The following IFNGR2 variants were observed in gnomAD, a reference collection of about 807,000 sequenced individuals.
IFNGR2 encodes IFN-gamma receptor 2.
A neutral mutation model predicts 41.1 loss-of-function variants in IFNGR2; 15 were observed. The ratio of observed to expected loss-of-function variants is 0.37; its 90% CI spans 0.24 to 0.56. IFNGR2 has a LOEUF of 0.56. IFNGR2 is among the 20% of genes least tolerant of loss of function. IFNGR2 has a pLI of 0.81. For missense variants in IFNGR2, 362 were observed against 415.7 expected (o/e 0.87, Z 1.12); for synonymous variants, 161 against 171.6 (o/e 0.94, Z 0.48).
chr21:33,432,619 A>G, intron 5 of IFNGR2, 95 bp from the exon 6 acceptor site: 1 of 1,380,072 alleles, frequency 7.2e-7, no homozygotes, highest in Non-Finnish European at 1.0e-6. Context: ...TTACTAGGAC[A>G]GGAATGCTCT....
At chr21:33,432,585 G>C (rs933681029) in intron 5 of IFNGR2, 129 bp from the exon 6 acceptor site, 25 of 1,024,016 alleles carry the variant, frequency 2.4e-5, no homozygotes, top group Admixed American at 1.9e-4. Flanking sequence ...AGGTGAGGGT[G>C]GGGGGTAGAG....
At chr21:33,414,211 G>A (rs1221499739) in intron 1 of IFNGR2, among the ~76,000 whole-genome samples, 1 of 152,150 alleles carries the variant, frequency 6.6e-6, no homozygotes, top group African/African-American at 2.4e-5. Context: ...GGGGGCCTCA[G>A]GACCTGCACT....
chr21:33,416,813 C>A, intron 2 of IFNGR2, among the ~76,000 whole-genome samples: 1 of 107,238 alleles, frequency 9.3e-6, no homozygotes. Context: ...CAGAGCGAGA[C>A]TCCATCTCAA....
intron 4 of IFNGR2, among the ~76,000 whole-genome samples, chr21:33,429,354 T>A (rs2083866310): frequency 6.6e-6 from 1 of 152,140 alleles, no homozygotes; most frequent in Non-Finnish European, 1.5e-5. Context: ...CTGATTTCGT[T>A]TTGAGACAGA....
intron 6 of IFNGR2, 92 bp from the exon 7 acceptor site, chr21:33,436,736 T>A (rs1250514923): frequency 2.2e-5 from 23 of 1,022,550 alleles, no homozygotes; most frequent in East Asian, 2.0e-4. Flanking sequence ...AAAATAAAAA[T>A]AAAAATAAAA....
At chr21:33,407,233 CATT>C (rs1465347526) in intron 1 of IFNGR2, among the ~76,000 whole-genome samples, 3 of 151,806 alleles carry the variant, frequency 2.0e-5, no homozygotes, top group Non-Finnish European at 2.9e-5. Context: ...AATTTTTTAT[CATT>C]ATTTGCTGAC....
chr21:33,435,882 CAAAAAA>C lies in IFNGR2; in HGVS notation c.880-926_880-921del, dbSNP rs35251279. Among the ~76,000 whole-genome samples, 428 of 48,256 alleles carry C rather than the reference CAAAAAA, an allele frequency of 8.9e-3. 3 individuals carry two copies. Among genetic ancestry groups the C allele is most frequent in the African/African-American group, 0.036 (373 of 10,242 alleles). 31.7% of individuals were successfully genotyped at this position (48,256 alleles called of 152,430 possible). On this transcript the variant is annotated intron_variant, in intron 6 of 6. Coordinates refer to ENST00000290219, the MANE Select transcript of IFNGR2 (RefSeq NM_005534.4). Reference sequence around the variant, plus strand: ...CTGGCAACAGAGCAAGACTCCGTCTCAAAAAAAAAAAAAAAAAAAAAAAAATTAGCC... The same window carrying C: ...CTGGCAACAGAGCAAGACTCCGTCTCAAAAAAAAAAAAAAAAAAATTAGCC...
intron 4 of IFNGR2, among the ~76,000 whole-genome samples, chr21:33,431,678 C>A (rs1241536422): frequency 1.3e-5 from 2 of 152,214 alleles, no homozygotes; most frequent in Admixed American, 1.3e-4. Flanking sequence ...CCAAGTGATT[C>A]TCCTCCCTCA....
chr21:33,415,005 A>G lies in IFNGR2; in HGVS notation c.191A>G (p.Gln64Arg), dbSNP rs9808753. The change falls in exon 2 of 7, where the codon CAA (glutamine) becomes CGA (arginine). Residue 64 changes from glutamine to arginine, a missense_variant. By Grantham distance (43) the Gln-to-Arg change is conservative. Coordinates refer to ENST00000290219, the MANE Select transcript of IFNGR2 (RefSeq NM_005534.4). ...AATAGCACGAGGCCTGTTGTCTACC[A>G]AGTGCAGTTTAAATAGTAAGCCGGT... ...LSNSTRPVVY[Q>R]VQFKYTDSKW... 0.16 allele frequency: 263,938 copies of G among 1,613,674 alleles called. 25,826 individuals carry two copies. Among genetic ancestry groups the G allele is most frequent in the East Asian group, 0.48 (21,510 of 44,856 alleles).
At chr21:33,408,744 G>A (rs2268241) in intron 1 of IFNGR2, among the ~76,000 whole-genome samples, 32,663 of 152,080 alleles carry the variant, frequency 0.21, 4,463 homozygotes, top group East Asian at 0.43. Flanking sequence ...CATACACTAT[G>A]TGCCATGATT....
rs2083805557 is a variant in IFNGR2, at chr21:33,422,934, G to C, written c.412+1249G>C. Among the ~76,000 whole-genome samples the C allele has an allele frequency of 2.0e-5, 3 of 147,200 alleles. No individual in the cohort carries two copies. In the South Asian group the frequency reaches 6.4e-4, roughly 31 times the overall value. On this transcript the variant is annotated intron_variant, in intron 3 of 6. Coordinates refer to ENST00000290219, the MANE Select transcript of IFNGR2 (RefSeq NM_005534.4). ...TAATCCAAAGAACAGGAGGGACAAG[G>C]ACAAAGCTTCCAGGCATAGAAGAAA...
chr21:33,429,795 G>A (rs1457779876), intron 4 of IFNGR2, among the ~76,000 whole-genome samples: 3 of 152,142 alleles, frequency 2.0e-5, no homozygotes, highest in Non-Finnish European at 4.4e-5. Context: ...AACAGTGTAG[G>A]GACGGTAAGC....
chr21:33,436,637 G>A (rs1371118182), intron 6 of IFNGR2, among the ~76,000 whole-genome samples, 191 bp from the exon 7 acceptor site: 1 of 151,316 alleles, frequency 6.6e-6, no homozygotes, highest in Non-Finnish European at 1.5e-5. Context: ...CAGGAGAATC[G>A]CTTGAACCTG....
intron 6 of IFNGR2, among the ~76,000 whole-genome samples, chr21:33,434,973 T>A (rs1018783340): frequency 6.6e-6 from 1 of 152,082 alleles, no homozygotes; most frequent in African/African-American, 2.4e-5. Context: ...CCGCCAAAGG[T>A]CTCTGAGTTA....
intron 1 of IFNGR2, among the ~76,000 whole-genome samples, chr21:33,409,099 C>A (rs535498125): frequency 6.6e-6 from 1 of 151,492 alleles, no homozygotes; most frequent in African/African-American, 2.4e-5. Context: ...ATCGCTTGAA[C>A]CCAGGAAGTG....
In IFNGR2 at chr21:33,425,460, C is replaced by T. The variant is rs1012375109; in HGVS notation, c.413-1424C>T. 6.6e-5 allele frequency among the ~76,000 whole-genome samples: 10 copies of T among 152,320 alleles called. No individual in the cohort carries two copies. In the South Asian group the frequency reaches 1.9e-3, roughly 28 times the overall value. ...CCTGTGTTTTCAGCCGTGCAGTGGC[C>T]AGCTGTGGCTGGTGTCCACACTCCC... On this transcript the variant is annotated intron_variant, in intron 3 of 6. Coordinates refer to ENST00000290219, the MANE Select transcript of IFNGR2 (RefSeq NM_005534.4).
intron 6 of IFNGR2, among the ~76,000 whole-genome samples, chr21:33,434,380 G>C (rs2083922146): frequency 6.6e-6 from 1 of 152,092 alleles, no homozygotes; most frequent in Non-Finnish European, 1.5e-5. Flanking sequence ...AAATTAGCCG[G>C]GCGTGGTGGT....
At position 33,432,890 on chromosome 21, in the gene IFNGR2, CT is replaced by C. The variant is rs143248516; in HGVS notation, c.879+32del. Reference sequence around the variant, plus strand: ...AGAAGAGGTACGTGTGCACACATCTCTTTTTTTTTTTTTGAGACAGGGTCTT... The same window carrying C: ...AGAAGAGGTACGTGTGCACACATCTCTTTTTTTTTTTTGAGACAGGGTCTT... On this transcript the variant is annotated intron_variant, in intron 6 of 6. Coordinates refer to ENST00000290219, the MANE Select transcript of IFNGR2 (RefSeq NM_005534.4). 40,037 of 1,407,360 alleles carry C rather than the reference CT, an allele frequency of 0.028. 2 individuals carry two copies. The highest frequency in any genetic ancestry group is 0.044 in the South Asian group (3,308 of 74,776). 87.2% of individuals were successfully genotyped at this position (1,407,360 alleles called of 1,614,324 possible).
intron 6 of IFNGR2, among the ~76,000 whole-genome samples, chr21:33,434,992 C>G (rs574346680): frequency 2.0e-5 from 3 of 152,172 alleles, no homozygotes; most frequent in African/African-American, 7.2e-5. Flanking sequence ...TACATGGGAA[C>G]AGTGAATCAT....
Sources: gnomAD v4.1 joint callset for allele counts (sites outside exome capture counted in the v4.1 genomes callset) on GRCh38, gnomAD v4.1.1 for gene constraint, MANE v1.5 for transcripts, NCBI Gene and HGNC (gene_info 2026-07-23, HGNC 2026-07-21) for gene names.